NKAIN2: variants seen among roughly 807,000 people sequenced by gnomAD.
NKAIN2 encodes the protein sodium/potassium transporting ATPase interacting 2.
Under a neutral mutation model 32.6 loss-of-function variants are expected in NKAIN2, and 14 were observed. The ratio of observed to expected loss-of-function variants is 0.43; its 90% CI spans 0.28 to 0.67. The LOEUF (loss-of-function observed/expected upper bound fraction) is 0.67, where lower values mean the gene tolerates loss of function less well. Ranked by LOEUF, NKAIN2 falls within the 30% of genes least tolerant of loss-of-function variation. NKAIN2 has a pLI of 0.17. For synonymous variants in NKAIN2, 80 were observed against 87.2 expected, an observed-to-expected ratio of 0.92 and a Z score of 0.46; for missense variants, 198 against 258.3, an observed-to-expected ratio of 0.77 and a Z score of 1.60.
intron 1 of NKAIN2, among the ~76,000 whole-genome samples, chr6:123,895,280 G>A (rs549553669): frequency 6.6e-6 from 1 of 151,902 alleles, no homozygotes; most frequent in Non-Finnish European, 1.5e-5. Context: ...CTCTGCTTGT[G>A]GTTCTCTTTG....
chr6:124,210,604 A>T (rs1426619341), intron 1 of NKAIN2, among the ~76,000 whole-genome samples: 5 of 151,710 alleles, frequency 3.3e-5, no homozygotes, highest in African/African-American at 1.2e-4. Flanking sequence ...AATTTCCTTC[A>T]TCAATATTTT....
chr6:124,220,776 C>A (rs1333813452), intron 1 of NKAIN2, among the ~76,000 whole-genome samples: 1 of 151,874 alleles, frequency 6.6e-6, no homozygotes, highest in Non-Finnish European at 1.5e-5. Context: ...AGAGTGGGAA[C>A]CTTTAGTTTT....
chr6:124,342,569 A>T (rs1056272790), intron 2 of NKAIN2, among the ~76,000 whole-genome samples: 2 of 151,620 alleles, frequency 1.3e-5, no homozygotes, highest in African/African-American at 4.8e-5. Context: ...GCACAGTGGG[A>T]TGATCTTGGC....
intron 1 of NKAIN2, among the ~76,000 whole-genome samples, chr6:124,147,925 C>G (rs1727448963): frequency 6.6e-6 from 1 of 152,074 alleles, no homozygotes; most frequent in South Asian, 2.1e-4. Context: ...ACTTCCCCTC[C>G]CATCTTAAAA....
rs900247440 is a variant in NKAIN2, at chr6:124,139,079, A to ATTTTT, written c.55-143910_55-143906dup. On this transcript the variant is annotated intron_variant, in intron 1 of 6. Transcript: ENST00000368417. ...TCCCCAAAAACTTTTTTAAATAAAA[A>ATTTTT]TTTTTTTTTTTTTTTTTTTTGAGAC... Among the ~76,000 whole-genome samples the ATTTTT allele has an allele frequency of 1.2e-3, 123 of 99,484 alleles. 9 individuals carry two copies. Among genetic ancestry groups the ATTTTT allele is most frequent in the African/African-American group, 3.6e-3 (84 of 23,580 alleles). The allele number at this position is 99,484 out of a possible 152,430, so 65.3% of individuals were successfully genotyped here.
At chr6:124,364,709 A>T (rs529133298) in intron 3 of NKAIN2, among the ~76,000 whole-genome samples, 1 of 152,130 alleles carries the variant, frequency 6.6e-6, no homozygotes, top group South Asian at 2.1e-4. Context: ...TTACTAGCAA[A>T]CTTTAACTGA....
rs397948818 is a variant in NKAIN2 at position 124,278,650 on chromosome 6, C to CATATGTAT, written c.55-4351_55-4350insGTATATAT. Among the ~76,000 whole-genome samples, 25 of 68,990 alleles carry CATATGTAT rather than the reference C, an allele frequency of 3.6e-4. 1 individual carries two copies. The highest frequency in any genetic ancestry group is 1.1e-3 in the African/African-American group (24 of 21,972). The allele number at this position is 68,990 out of a possible 152,430, so 45.3% of individuals were successfully genotyped here. ...CACACAAACACACATATACATAGCT[C>CATATGTAT]ATATATATATATATATATATATATA... On this transcript the variant is annotated intron_variant, in intron 1 of 6. Transcript: ENST00000368417.
intron 1 of NKAIN2, among the ~76,000 whole-genome samples, chr6:124,088,796 G>GA (rs1784301358): frequency 6.6e-6 from 1 of 151,936 alleles, no homozygotes; most frequent in Non-Finnish European, 1.5e-5. Flanking sequence ...CATCTAGTAG[G>GA]ATTTGTGTGC....
intron 1 of NKAIN2, among the ~76,000 whole-genome samples, chr6:123,965,751 A>T (rs1220433828): frequency 6.6e-6 from 1 of 152,140 alleles, no homozygotes; most frequent in African/African-American, 2.4e-5. Flanking sequence ...TCCACGATTA[A>T]TTTCCTCTTT....
chr6:124,431,408 C>G (rs1775211990), intron 3 of NKAIN2, among the ~76,000 whole-genome samples: 2 of 152,124 alleles, frequency 1.3e-5, no homozygotes, highest in South Asian at 4.1e-4. Context: ...CAAGATTATT[C>G]AAAACGTATT....
intron 3 of NKAIN2, among the ~76,000 whole-genome samples, chr6:124,482,863 G>A (rs778157232): frequency 2.6e-5 from 4 of 152,138 alleles, no homozygotes; most frequent in Admixed American, 6.5e-5. Context: ...GGCTGGGCGC[G>A]GTGGCTCACG....
chr6:124,709,430 G>C (rs1330934209), intron 4 of NKAIN2, among the ~76,000 whole-genome samples: 1 of 151,476 alleles, frequency 6.6e-6, no homozygotes, highest in Non-Finnish European at 1.5e-5. Flanking sequence ...GTTCCTCCTT[G>C]TACCTCTGGT....
intron 3 of NKAIN2, among the ~76,000 whole-genome samples, chr6:124,599,365 G>A (rs899406895): frequency 1.1e-4 from 16 of 152,112 alleles, no homozygotes; most frequent in Non-Finnish European, 2.4e-4. Context: ...TCTGTTTACA[G>A]CTAAAGTGAT....
intron 1 of NKAIN2, among the ~76,000 whole-genome samples, chr6:123,826,337 AGCTT>A (rs1774146919): frequency 1.3e-5 from 2 of 152,296 alleles, no homozygotes. Context: ...CTGGAGATTC[AGCTT>A]TTTTAAATTG....
chr6:124,719,365 A>C (rs6569395), intron 4 of NKAIN2, among the ~76,000 whole-genome samples: 70,302 of 151,930 alleles, frequency 0.46, 16,520 homozygotes, highest in African/African-American at 0.51. Context: ...ATGTTTAGCA[A>C]CATGTTACTT....
intron 4 of NKAIN2, among the ~76,000 whole-genome samples, chr6:124,720,013 T>G (rs945495210): frequency 6.6e-6 from 1 of 152,160 alleles, no homozygotes; most frequent in African/African-American, 2.4e-5. Flanking sequence ...CTTTCAGGAA[T>G]TTTTGCTGAT....
intron 1 of NKAIN2, among the ~76,000 whole-genome samples, chr6:123,846,209 G>C (rs892206159): frequency 1.3e-5 from 2 of 152,194 alleles, no homozygotes; most frequent in Non-Finnish European, 2.9e-5. Flanking sequence ...CTAGGTGTGT[G>C]TAAACCTCAA....
intron 1 of NKAIN2, among the ~76,000 whole-genome samples, chr6:123,880,839 G>A (rs1427576291): frequency 6.6e-6 from 1 of 152,168 alleles, no homozygotes; most frequent in East Asian, 1.9e-4. Flanking sequence ...CTATGCAACT[G>A]TAAAAAGCTA....
At chr6:124,339,465 C>G (rs1187391569) in intron 2 of NKAIN2, among the ~76,000 whole-genome samples, 1 of 152,150 alleles carries the variant, frequency 6.6e-6, no homozygotes, top group South Asian at 2.1e-4. Flanking sequence ...GGGGAAAATT[C>G]GATCCTTGCC....
Sources: allele counts gnomAD v4.1 joint callset (sites outside exome capture counted in the v4.1 genomes callset), GRCh38; gene constraint gnomAD v4.1.1; transcripts MANE v1.5; gene names NCBI Gene and HGNC (gene_info 2026-07-23, HGNC 2026-07-21).